SNX24: variants seen among roughly 807,000 people sequenced by gnomAD.
The protein encoded by SNX24 is sorting nexin-24.
A neutral mutation model predicts 28.7 loss-of-function variants in SNX24; 22 were observed. The observed-to-expected ratio is 0.77, with a 90% confidence interval of 0.55 to 1.10. SNX24 has a LOEUF of 1.10. SNX24 is among the 50% of genes least tolerant of loss of function. SNX24 has a pLI of 0.00. For missense variants in SNX24, 221 were observed against 201.1 expected (o/e 1.10, Z -0.60); for synonymous variants, 69 against 71.5 (o/e 0.96, Z 0.18).
intron 1 of SNX24, among the ~76,000 whole-genome samples, chr5:122,893,142 T>G (rs1358480874): frequency 6.6e-6 from 1 of 151,510 alleles, no homozygotes; most frequent in Non-Finnish European, 1.5e-5. Context: ...TCTCTTGTAT[T>G]TCTATAGACC....
chr5:123,022,906 C>A (rs2169773), intron 5 of SNX24: 35,195 of 152,168 alleles, frequency 0.23, 5,182 homozygotes, highest in Non-Finnish European at 0.34. Flanking sequence ...TGGACTCAAG[C>A]AATCCTCCCA....
rs1491056694 is a variant in SNX24, at chr5:123,014,362, T to TTG, written n.383+12358_383+12359insTG. Reference sequence around the variant, plus strand: ...TTTTTTTTTTTTTTTTTTTTTTTTTTGTAGAGACAGGGTTTCACCATGTTG... The same window carrying TTG: ...TTTTTTTTTTTTTTTTTTTTTTTTTTTGGTAGAGACAGGGTTTCACCATGTTG... On this transcript the variant is annotated intron_variant and non_coding_transcript_variant, in intron 5 of 5. Transcript: ENST00000502387. Among the ~76,000 whole-genome samples the TTG allele has an allele frequency of 1.9e-4, 23 of 124,204 alleles. 1 individual carries two copies. The highest frequency in any genetic ancestry group is 6.4e-4 in the African/African-American group (21 of 32,930). 81.5% of individuals were successfully genotyped at this position (124,204 alleles called of 152,430 possible). A position where few individuals can be genotyped will look rare whatever the true frequency, so the allele number is the denominator to read the frequency against.
intron 1 of SNX24, among the ~76,000 whole-genome samples, chr5:122,903,380 G>C (rs1202451067): frequency 6.6e-6 from 1 of 152,196 alleles, no homozygotes; most frequent in Non-Finnish European, 1.5e-5. Context: ...CAAGGTGTTA[G>C]GATTACAGGC....
intron 1 of SNX24, among the ~76,000 whole-genome samples, chr5:122,886,615 C>T (rs963743540): frequency 2.0e-5 from 3 of 151,780 alleles, no homozygotes; most frequent in Non-Finnish European, 2.9e-5. Flanking sequence ...GAGTTCGAGA[C>T]CAGCCTGGCC....
intron 3 of SNX24, among the ~76,000 whole-genome samples, chr5:122,987,494 G>C (rs1189449833): frequency 6.6e-6 from 1 of 152,158 alleles, no homozygotes; most frequent in African/African-American, 2.4e-5. Context: ...AGTGAAACCA[G>C]TCTTTTTTGT....
intron 1 of SNX24, among the ~76,000 whole-genome samples, chr5:122,847,055 C>G (rs1044330373): frequency 6.6e-6 from 1 of 151,722 alleles, no homozygotes; most frequent in African/African-American, 2.4e-5. Flanking sequence ...CCCATCAGCA[C>G]TATCAACAGT....
chr5:122,913,562 G>A (rs185550592), intron 1 of SNX24, among the ~76,000 whole-genome samples: 18,831 of 151,720 alleles, frequency 0.12, 1,473 homozygotes, highest in East Asian at 0.36. Flanking sequence ...GCTGCTGGGC[G>A]GAGGGGCTCC....
chr5:122,911,669 G>C (rs1245897426), intron 1 of SNX24, among the ~76,000 whole-genome samples: 2 of 135,316 alleles, frequency 1.5e-5, no homozygotes, highest in Non-Finnish European at 3.1e-5. Flanking sequence ...AAGGGATCCA[G>C]TTTCAGCTTT....
chr5:122,990,824 T>C (rs1761813618), intron 3 of SNX24, among the ~76,000 whole-genome samples: 1 of 152,240 alleles, frequency 6.6e-6, no homozygotes, highest in African/African-American at 2.4e-5. Context: ...ACACTAATAT[T>C]AAATACCGTA....
intron 4 of SNX24, among the ~76,000 whole-genome samples, chr5:123,000,336 A>G (rs1762205964): frequency 6.6e-6 from 1 of 152,218 alleles, no homozygotes; most frequent in Admixed American, 6.5e-5. Flanking sequence ...ATTAGTGGAA[A>G]CTCGAACAAA....
chr5:122,870,835 T>C (rs1192198344), intron 1 of SNX24, among the ~76,000 whole-genome samples: 1 of 152,152 alleles, frequency 6.6e-6, no homozygotes, highest in East Asian at 1.9e-4. Flanking sequence ...AGGCTGTTGA[T>C]GTGGTGGTGC....
chr5:122,978,160 G>A (rs1446139423), intron 3 of SNX24, among the ~76,000 whole-genome samples: 1 of 151,958 alleles, frequency 6.6e-6, no homozygotes, highest in Non-Finnish European at 1.5e-5. Flanking sequence ...TGAAAAACTA[G>A]GACAAAATAT....
Position 122,950,370 on chromosome 5 carries a change from T to C in SNX24, c.249+4211T>C, listed in dbSNP as rs527468330. 5.3e-5 allele frequency among the ~76,000 whole-genome samples: 8 copies of C among 152,310 alleles called. No homozygotes were observed. In the South Asian group the frequency reaches 1.7e-3, roughly 32 times the overall value. ...ATGATAAGCACTCATCAAGCACCTA[T>C]GATGTTTGAGGCAGAAGGGTAGATC... On this transcript the variant is annotated intron_variant, in intron 3 of 6. Coordinates refer to ENST00000261369, the MANE Select transcript of SNX24 (RefSeq NM_014035.4).
rs575779917 is a variant in SNX24, at chr5:122,905,284, C to T, written c.61-31450C>T. 2.3e-4 allele frequency among the ~76,000 whole-genome samples: 35 copies of T among 152,016 alleles called. No homozygotes were observed. The South Asian group carries it at 6.5e-3, about 28-fold the overall frequency. Reference sequence around the variant, plus strand: ...GGGAGGAGGGAAGGGGTATGTGGGACGATTAGTATCTGACAGTTGGGTTCA... The same window carrying T: ...GGGAGGAGGGAAGGGGTATGTGGGATGATTAGTATCTGACAGTTGGGTTCA... On this transcript the variant is annotated intron_variant, in intron 1 of 6. Coordinates refer to ENST00000261369, the MANE Select transcript of SNX24 (RefSeq NM_014035.4).
intron 3 of SNX24, among the ~76,000 whole-genome samples, chr5:122,953,764 T>C (rs1396796495): frequency 6.6e-6 from 1 of 152,228 alleles, no homozygotes; most frequent in East Asian, 1.9e-4. Context: ...CACTTGAGAA[T>C]AATAGTTCTT....
At chr5:122,983,534 T>G (rs1288366718) in intron 3 of SNX24, among the ~76,000 whole-genome samples, 1 of 152,210 alleles carries the variant, frequency 6.6e-6, no homozygotes, top group Non-Finnish European at 1.5e-5. Context: ...CAGAGTTAGC[T>G]TTCAGTGTTA....
intron 1 of SNX24, among the ~76,000 whole-genome samples, chr5:122,865,253 A>G (rs930986048): frequency 9.2e-5 from 14 of 152,232 alleles, no homozygotes; most frequent in Admixed American, 8.5e-4. Context: ...ATTCATACAC[A>G]TTTCCTTAAA....
At chr5:122,980,941 C>G (rs1761368633) in intron 3 of SNX24, among the ~76,000 whole-genome samples, 1 of 151,988 alleles carries the variant, frequency 6.6e-6, no homozygotes, top group African/African-American at 2.4e-5. Flanking sequence ...CATGCTTTGT[C>G]CCATACAAAT....
At chr5:122,913,619 C>G (rs1176886677) in intron 1 of SNX24, among the ~76,000 whole-genome samples, 2 of 152,250 alleles carry the variant, frequency 1.3e-5, no homozygotes, top group Admixed American at 6.5e-5. Context: ...CTCCTCACTT[C>G]TCAGACGGGG....
Sources: allele counts gnomAD v4.1 joint callset (sites outside exome capture counted in the v4.1 genomes callset), GRCh38; gene constraint gnomAD v4.1.1; transcripts MANE v1.5; gene names NCBI Gene and HGNC (gene_info 2026-07-23, HGNC 2026-07-21).